FARP2: variants seen among roughly 807,000 people sequenced by gnomAD.
FARP2 encodes the protein FERM, ARHGEF and pleckstrin domain-containing protein 2.
In FARP2, 111 loss-of-function variants were observed where a neutral mutation model predicts 130.5. The observed-to-expected ratio is 0.85, with a 90% confidence interval of 0.73 to 1.00. FARP2 has a LOEUF of 1.00. FARP2 is among the 50% of genes least tolerant of loss of function. The pLI, the probability that FARP2 is intolerant of heterozygous loss-of-function variation, is 0.00. For missense variants in FARP2, 1,385 were observed against 1,346.3 expected (o/e 1.03, Z -0.45); for synonymous variants, 504 against 516.9 (o/e 0.98, Z 0.34).
chr2:241,429,536 G>A lies in FARP2; in HGVS notation c.772-2143G>A, dbSNP rs2063040014. 2.0e-5 allele frequency among the ~76,000 whole-genome samples: 3 copies of A among 152,218 alleles called. No individual in the cohort carries two copies. In the South Asian group the frequency reaches 6.2e-4, roughly 32 times the overall value. On this transcript the variant is annotated intron_variant, in intron 8 of 26. Coordinates refer to ENST00000264042, the MANE Select transcript of FARP2 (RefSeq NM_014808.4). ...CACATAGGGTCCATCTGTCCCATTG[G>A]TGGTGGTGGTGGTAACATTGATCAC...
At chr2:241,372,233 A>T (rs565773913) in intron 1 of FARP2, among the ~76,000 whole-genome samples, 3 of 151,972 alleles carry the variant, frequency 2.0e-5, no homozygotes, top group African/African-American at 4.8e-5. Context: ...TGGGCTGTGG[A>T]TAGTGATGAG....
intron 7 of FARP2, 77 bp downstream of exon 7, chr2:241,413,498 TGTC>T (rs1224903025): frequency 1.1e-5 from 11 of 1,017,402 alleles, no homozygotes; most frequent in South Asian, 1.4e-5. Context: ...AAAGGACTGT[TGTC>T]GTGACTTCTG....
intron 20 of FARP2, chr2:241,484,021 A>G: frequency 7.4e-7 from 1 of 1,347,466 alleles, no homozygotes; most frequent in African/African-American, 1.5e-5. Context: ...CAGCCAAGCT[A>G]GCTGGGAGCT....
chr2:241,404,713 T>A (rs7600289), intron 3 of FARP2, 86 bp from the exon 4 acceptor site: 1 of 1,033,784 alleles, frequency 9.7e-7, no homozygotes, highest in African/African-American at 1.6e-5. Context: ...ATTTATCTTA[T>A]TATAACCATT....
chr2:241,441,082 T>C (rs2063370664), intron 12 of FARP2, among the ~76,000 whole-genome samples: 1 of 151,820 alleles, frequency 6.6e-6, no homozygotes, highest in Non-Finnish European at 1.5e-5. Flanking sequence ...GAGAAAAAAA[T>C]GGAATTGTAA....
chr2:241,448,893 T>C (rs914628182), intron 13 of FARP2, among the ~76,000 whole-genome samples: 3 of 152,244 alleles, frequency 2.0e-5, no homozygotes, highest in African/African-American at 7.2e-5. Flanking sequence ...AGCTGTGCCA[T>C]GCATCACACC....
At chr2:241,424,430 CAT>C (rs1192222442) in intron 8 of FARP2, among the ~76,000 whole-genome samples, 1 of 152,096 alleles carries the variant, frequency 6.6e-6, no homozygotes, top group Admixed American at 6.6e-5. Flanking sequence ...TAAGAGATAA[CAT>C]ATCAGAATCT....
intron 1 of FARP2, among the ~76,000 whole-genome samples, chr2:241,364,340 G>GT (rs1207502016): frequency 6.6e-6 from 1 of 152,230 alleles, no homozygotes; most frequent in Non-Finnish European, 1.5e-5. Flanking sequence ...GAATGAGCCT[G>GT]TAAGTGTATT....
intron 2 of FARP2, among the ~76,000 whole-genome samples, chr2:241,385,469 C>T (rs1248065516): frequency 6.6e-6 from 1 of 152,054 alleles, no homozygotes; most frequent in Admixed American, 6.5e-5. Context: ...TACCTATAAT[C>T]CCGGCACTTT....
Position 241,475,412 on chromosome 2 carries a change from C to T in FARP2, c.2132-445C>T, listed in dbSNP as rs1444721262. On this transcript the variant is annotated intron_variant, in intron 18 of 26. Coordinates refer to ENST00000264042, the MANE Select transcript of FARP2 (RefSeq NM_014808.4). The surrounding 1 kb of genome is among the most constrained non-coding windows in gnomAD (Gnocchi z 4.4). ...GCCTGTTAGGAACCAGGCCACACGG[C>T]AGGAGGTGAGTGGCGGGCAAGTGAA... Among the ~76,000 whole-genome samples the T allele has an allele frequency of 6.6e-6, 1 of 152,196 alleles. No homozygotes were observed. Among genetic ancestry groups the T allele is most frequent in the Non-Finnish European group, 1.5e-5 (1 of 68,024 alleles).
chr2:241,457,823 G>T (rs965775639), intron 14 of FARP2, among the ~76,000 whole-genome samples: 1 of 152,108 alleles, frequency 6.6e-6, no homozygotes, highest in Admixed American at 6.5e-5. Flanking sequence ...GCTCTTGGGC[G>T]GGAGACCCCG....
chr2:241,470,097 A>G (rs1447380267), intron 18 of FARP2, among the ~76,000 whole-genome samples: 1 of 152,218 alleles, frequency 6.6e-6, no homozygotes, highest in Non-Finnish European at 1.5e-5. Context: ...ATGCTTGTCA[A>G]GAAGGGCCTT....
intron 12 of FARP2, among the ~76,000 whole-genome samples, chr2:241,437,648 A>T (rs367576090): frequency 5.4e-4 from 75 of 139,548 alleles, no homozygotes; most frequent in Admixed American, 1.0e-3. Context: ...ACATATATAT[A>T]TATTTATTTA....
intron 8 of FARP2, among the ~76,000 whole-genome samples, chr2:241,425,422 CA>C (rs1277205048): frequency 6.6e-6 from 1 of 151,952 alleles, no homozygotes; most frequent in Non-Finnish European, 1.5e-5. Flanking sequence ...AAAAATTTTG[CA>C]GTCTATCCAT....
At chr2:241,466,635 C>T in intron 17 of FARP2, 1 of 984,146 alleles carries the variant, frequency 1.0e-6, no homozygotes, top group Non-Finnish European at 1.2e-6. Flanking sequence ...CTGGCCCTCA[C>T]CACCCCTCAC....
intron 26 of FARP2, chr2:241,493,793 C>T (rs2065023822): frequency 4.0e-6 from 2 of 493,888 alleles, no homozygotes; most frequent in Admixed American, 7.1e-5. Context: ...GACAGGGTTT[C>T]ACCATGTTGG....
intron 23 of FARP2, 39 bp from the exon 24 acceptor site, chr2:241,491,477 C>T (rs2064909684): frequency 6.2e-6 from 10 of 1,609,876 alleles, no homozygotes; most frequent in Non-Finnish European, 8.5e-6. Context: ...GCAGAGGCCA[C>T]AGGGGGTTCC....
intron 3 of FARP2, among the ~76,000 whole-genome samples, 180 bp from the exon 4 acceptor site, chr2:241,404,619 A>G (rs938559494): frequency 2.0e-5 from 3 of 152,202 alleles, no homozygotes; most frequent in South Asian, 4.1e-4. Context: ...CAAAGCAGGC[A>G]TTGCTGTCCT....
intron 1 of FARP2, among the ~76,000 whole-genome samples, chr2:241,359,561 T>C (rs1450219895): frequency 6.6e-6 from 1 of 152,214 alleles, no homozygotes; most frequent in East Asian, 1.9e-4. Flanking sequence ...CCTCTGCCTG[T>C]GCACACACTA....
Sources: gnomAD v4.1 joint callset for allele counts (sites outside exome capture counted in the v4.1 genomes callset) on GRCh38, gnomAD v4.1.1 for gene constraint, Gnocchi (gnomAD v3.1) non-coding constraint, MANE v1.5 for transcripts, NCBI Gene and HGNC (gene_info 2026-07-23, HGNC 2026-07-21) for gene names.